The following ZFPM2 variants were observed in gnomAD, a reference collection of about 807,000 sequenced individuals.
ZFPM2 encodes the protein zinc finger protein, FOG family member 2.
In ZFPM2, 20 loss-of-function variants were observed where a neutral mutation model predicts 98.6. That is an observed-to-expected ratio of 0.20 (90% CI 0.14 to 0.29). The LOEUF is 0.29. Ranked by LOEUF, ZFPM2 falls within the 10% of genes least tolerant of loss-of-function variation. The pLI is 1.00. For synonymous variants in ZFPM2, 518 were observed against 502.7 expected (o/e 1.03, Z -0.41); for missense variants, 1,310 against 1,388.6 (o/e 0.94, Z 0.90).
At chr8:105,452,646 G>A (rs1347158097) in intron 3 of ZFPM2, among the ~76,000 whole-genome samples, 2 of 151,932 alleles carry the variant, frequency 1.3e-5, no homozygotes, top group Non-Finnish European at 2.9e-5. Flanking sequence ...AAGCTACTTG[G>A]GAGGCTGAGG....
At chr8:105,655,126 C>A (rs1278896685) in intron 5 of ZFPM2, among the ~76,000 whole-genome samples, 1 of 151,358 alleles carries the variant, frequency 6.6e-6, no homozygotes, top group Non-Finnish European at 1.5e-5. Context: ...GTTTATTACA[C>A]TGGTTATAAT....
chr8:105,768,991 G>A (rs1171529286), intron 5 of ZFPM2, among the ~76,000 whole-genome samples: 6 of 151,838 alleles, frequency 4.0e-5, no homozygotes, highest in Non-Finnish European at 7.4e-5. Context: ...AACATTGAAT[G>A]GAGTAAGATA....
chr8:105,478,568 A>G (rs1332227263), intron 3 of ZFPM2, among the ~76,000 whole-genome samples: 10 of 152,042 alleles, frequency 6.6e-5, no homozygotes. Flanking sequence ...GGGTTTTGTC[A>G]CTCATCCTTG....
chr8:105,439,248 C>T (rs1410675399), intron 2 of ZFPM2, among the ~76,000 whole-genome samples: 1 of 152,036 alleles, frequency 6.6e-6, no homozygotes. Context: ...TATCTGGGCA[C>T]CTGGCTATAT....
At chr8:105,441,482 G>GAAAAAAAA (rs71305153) in intron 2 of ZFPM2, among the ~76,000 whole-genome samples, 1 of 85,410 alleles carries the variant, frequency 1.2e-5, no homozygotes, top group Non-Finnish European at 2.0e-5. Context: ...AAGAAAGAAA[G>GAAAAAAAA]AAAGAAAGAA....
At chr8:105,570,893 T>G (rs1815340119) in intron 4 of ZFPM2, among the ~76,000 whole-genome samples, 1 of 152,218 alleles carries the variant, frequency 6.6e-6, no homozygotes, top group Non-Finnish European at 1.5e-5. Flanking sequence ...GTTTGAACTT[T>G]TAAAAAGAAT....
At chr8:105,322,210 A>G (rs1473611345) in intron 1 of ZFPM2, among the ~76,000 whole-genome samples, 1 of 152,126 alleles carries the variant, frequency 6.6e-6, no homozygotes, top group Non-Finnish European at 1.5e-5. Flanking sequence ...CAATATGCCA[A>G]TAAATTGCCC....
chr8:105,576,388 C>T (rs138291160), intron 4 of ZFPM2, among the ~76,000 whole-genome samples: 10 of 152,184 alleles, frequency 6.6e-5, no homozygotes, highest in African/African-American at 2.4e-4. Context: ...GGAAATACCT[C>T]ACATACCATG....
At chr8:105,735,782 C>T (rs1188178054) in intron 5 of ZFPM2, among the ~76,000 whole-genome samples, 2 of 151,896 alleles carry the variant, frequency 1.3e-5, no homozygotes, top group Non-Finnish European at 2.9e-5. Context: ...AGGAAAGCAG[C>T]ATTTTTGCTG....
At chr8:105,380,057 C>T (rs765453099) in intron 1 of ZFPM2, among the ~76,000 whole-genome samples, 25 of 152,148 alleles carry the variant, frequency 1.6e-4, no homozygotes, top group Non-Finnish European at 2.5e-4. Flanking sequence ...TGAATGTAGG[C>T]TCACTCTCAT....
At chr8:105,443,166 G>A (rs1383112401) in intron 2 of ZFPM2, among the ~76,000 whole-genome samples, 5 of 151,594 alleles carry the variant, frequency 3.3e-5, no homozygotes, top group Admixed American at 6.6e-5. Flanking sequence ...AAAATTAGCC[G>A]GGCGTGGTGG....
At chr8:105,361,896 A>G (rs1046830318) in intron 1 of ZFPM2, among the ~76,000 whole-genome samples, 2 of 151,506 alleles carry the variant, frequency 1.3e-5, no homozygotes, top group African/African-American at 4.9e-5. Flanking sequence ...ATTTACCTAC[A>G]CTATTTATAT....
chr8:105,753,830 T>G (rs781360468), intron 5 of ZFPM2, among the ~76,000 whole-genome samples: 7 of 152,130 alleles, frequency 4.6e-5, no homozygotes, highest in Non-Finnish European at 1.0e-4. Flanking sequence ...TCATACAAAA[T>G]AATTGCTGCT....
intron 1 of ZFPM2, among the ~76,000 whole-genome samples, chr8:105,416,746 G>T (rs1811686849): frequency 6.6e-6 from 1 of 151,768 alleles, no homozygotes; most frequent in Non-Finnish European, 1.5e-5. Context: ...TTTTATTTTT[G>T]ATAAGTCTAT....
chr8:105,681,998 A>C (rs1586194891), intron 5 of ZFPM2, among the ~76,000 whole-genome samples: 1 of 152,270 alleles, frequency 6.6e-6, no homozygotes, highest in Non-Finnish European at 1.5e-5. Flanking sequence ...TCAACAAATA[A>C]GCGGCAAAAT....
At chr8:105,604,728 C>T (rs1439039709) in intron 4 of ZFPM2, among the ~76,000 whole-genome samples, 1 of 152,068 alleles carries the variant, frequency 6.6e-6, no homozygotes, top group Non-Finnish European at 1.5e-5. Flanking sequence ...CAGGAACATG[C>T]TCAGATGTTC....
intron 1 of ZFPM2, among the ~76,000 whole-genome samples, chr8:105,326,822 A>G (rs866641453): frequency 9.9e-5 from 15 of 150,798 alleles, no homozygotes; most frequent in African/African-American, 2.9e-4. Flanking sequence ...TGCTAATGTC[A>G]GATTTATCAT....
intron 5 of ZFPM2, among the ~76,000 whole-genome samples, chr8:105,653,854 CTTTTTTTTTTTTTTTTT>C (rs60218363): frequency 5.7e-5 from 2 of 35,286 alleles, no homozygotes; most frequent in Non-Finnish European, 9.8e-5. Context: ...TGTGTGCTAT[CTTTTTTTTTTTTTTTTT>C]TTTTTTTTTT....
chr8:105,510,412 TGTTTG>T (rs780547581), intron 3 of ZFPM2, among the ~76,000 whole-genome samples: 24 of 140,846 alleles, frequency 1.7e-4, no homozygotes, highest in Non-Finnish European at 3.3e-4. Context: ...TTTTTTTTTT[TGTTTG>T]TTTGTTTGTT....
Sources: gnomAD v4.1 joint callset for allele counts (sites outside exome capture counted in the v4.1 genomes callset) on GRCh38, gnomAD v4.1.1 for gene constraint, MANE v1.5 for transcripts, NCBI Gene and HGNC (gene_info 2026-07-23, HGNC 2026-07-21) for gene names.